The following PEX7 variants were observed in gnomAD, a reference collection of about 807,000 sequenced individuals.
The protein encoded by PEX7 is peroxisomal biogenesis factor 7, also known as PTS2 receptor.
PEX7 carries 34 observed loss-of-function variants against 47.5 expected under a neutral mutation model. The ratio of observed to expected loss-of-function variants is 0.72; its 90% confidence interval spans 0.54 to 0.95. The LOEUF is 0.95. Ranked by LOEUF, PEX7 falls within the 40% of genes least tolerant of loss-of-function variation. PEX7 has a pLI of 0.00. For missense variants in PEX7, 394 were observed against 400.3 expected (o/e 0.98, Z 0.13); for synonymous variants, 141 against 148.8 (o/e 0.95, Z 0.38).
At chr6:136,903,700 A>G (rs1005667066) in intron 9 of PEX7, among the ~76,000 whole-genome samples, 2 of 152,144 alleles carry the variant, frequency 1.3e-5, no homozygotes, top group African/African-American at 4.8e-5. Flanking sequence ...TCACTGTGTC[A>G]CACAGGCTGG....
intron 7 of PEX7, 114 bp from the exon 8 acceptor site, chr6:136,872,084 A>G: frequency 1.1e-6 from 1 of 904,636 alleles, no homozygotes. Context: ...ATTTTAAGTG[A>G]CAGCTCTGAC....
chr6:136,859,427 T>G (rs140239467), intron 5 of PEX7, among the ~76,000 whole-genome samples: 102 of 152,164 alleles, frequency 6.7e-4, no homozygotes, highest in African/African-American at 2.3e-3. Context: ...AAAACTAAAT[T>G]ATTGCTGTCA....
At chr6:136,831,681 A>G (rs1248840115) in intron 3 of PEX7, among the ~76,000 whole-genome samples, 2 of 152,280 alleles carry the variant, frequency 1.3e-5, no homozygotes, top group African/African-American at 4.8e-5. Context: ...GGCATTAGCT[A>G]AATGTTTCAA....
At chr6:136,869,535 A>G (rs1248641871) in intron 6 of PEX7, among the ~76,000 whole-genome samples, 1 of 152,130 alleles carries the variant, frequency 6.6e-6, no homozygotes, top group Non-Finnish European at 1.5e-5. Flanking sequence ...TTTGAAGAGA[A>G]AGCTGGGCTC....
intron 2 of PEX7, among the ~76,000 whole-genome samples, chr6:136,825,955 A>G (rs1347950673): frequency 1.3e-5 from 2 of 152,186 alleles, no homozygotes; most frequent in African/African-American, 4.8e-5. Flanking sequence ...TCCAGCCTGG[A>G]TGACAGAACA....
chr6:136,839,572 A>G (rs894986486), intron 3 of PEX7, among the ~76,000 whole-genome samples: 1 of 152,124 alleles, frequency 6.6e-6, no homozygotes, highest in African/African-American at 2.4e-5. Context: ...CCTCTAGAGG[A>G]CCCTGCTCTT....
At chr6:136,893,346 G>T (rs1379195710) in intron 8 of PEX7, among the ~76,000 whole-genome samples, 1 of 152,136 alleles carries the variant, frequency 6.6e-6, no homozygotes, top group East Asian at 1.9e-4. Flanking sequence ...GCTCCTTGCA[G>T]ACAAGCAATA....
chr6:136,874,063 A>T (rs1480055620), intron 8 of PEX7, among the ~76,000 whole-genome samples: 1 of 152,238 alleles, frequency 6.6e-6, no homozygotes, highest in Non-Finnish European at 1.5e-5. Context: ...CAAAGGTGAT[A>T]TTAGTTGCAG....
rs562317121 is a variant in PEX7, at chr6:136,887,604, G to A, written c.804-10538G>A. On this transcript the variant is annotated intron_variant, in intron 8 of 9. Transcript: ENST00000318471. The stretch of plus-strand genomic sequence containing the variant: ...TCAGCAAAAATATTCCTTCATATGC[G>A]TATGTGTAGAGAGAGAAAGATAAAA... 3.7e-4 allele frequency among the ~76,000 whole-genome samples: 56 copies of A among 151,302 alleles called. No homozygotes were observed. In the South Asian group the frequency reaches 4.4e-3, roughly 12 times the overall value.
At position 136,913,535 on chromosome 6, in the gene PEX7, A is replaced by G. The variant is rs1421427962; in HGVS notation, c.*9A>G. 1.9e-6 allele frequency: 3 copies of G among 1,586,094 alleles called. No individual in the cohort carries two copies. The highest frequency in any genetic ancestry group is 2.7e-5 in the African/African-American group (2 of 74,298). On this transcript the variant is annotated 3_prime_UTR_variant, in exon 10 of 10. Coordinates refer to ENST00000318471, the MANE Select transcript of PEX7 (RefSeq NM_000288.4). ...TTACTATTCCTGCTTGAGATACACT[A>G]CTTTGGTCAGAAACAGAGGATGTTG... is the stretch of plus-strand genomic sequence containing the variant.
chr6:136,881,975 A>G (rs2115247392), intron 8 of PEX7, among the ~76,000 whole-genome samples: 1 of 152,300 alleles, frequency 6.6e-6, no homozygotes, highest in East Asian at 1.9e-4. Flanking sequence ...CTTTAACGTA[A>G]GTTAAACAGA....
At chr6:136,883,924 A>G (rs956501431) in intron 8 of PEX7, among the ~76,000 whole-genome samples, 2 of 152,018 alleles carry the variant, frequency 1.3e-5, no homozygotes, top group African/African-American at 4.8e-5. Context: ...AAGCAACATC[A>G]TTTTTTTTAG....
At chr6:136,903,091 G>T (rs1310392752) in intron 9 of PEX7, among the ~76,000 whole-genome samples, 5 of 151,960 alleles carry the variant, frequency 3.3e-5, no homozygotes, top group African/African-American at 1.2e-4. Context: ...ATGTTTCTTA[G>T]ATTTAATTGA....
chr6:136,897,981 T>C (rs528830034), intron 8 of PEX7, among the ~76,000 whole-genome samples, 161 bp from the exon 9 acceptor site: 19 of 152,144 alleles, frequency 1.2e-4, no homozygotes, highest in African/African-American at 4.1e-4. Context: ...TTTTTTCTTA[T>C]TGGATTTTTT....
chr6:136,831,349 G>A (rs969801569), intron 3 of PEX7, among the ~76,000 whole-genome samples: 7 of 152,130 alleles, frequency 4.6e-5, no homozygotes, highest in African/African-American at 1.7e-4. Context: ...AACAGCATGG[G>A]GGAAACTGCC....
At position 136,887,750 on chromosome 6, in the gene PEX7, C is replaced by CA. The variant is rs1338931207; in HGVS notation, c.804-10389dup. Reference sequence around the variant, plus strand: ...AAAATAAAAACATTTGAGAAAAAAGCAAACTGTATTTACTCATGCAAAATA... The same window carrying CA: ...AAAATAAAAACATTTGAGAAAAAAGCAAAACTGTATTTACTCATGCAAAATA... On this transcript the variant is annotated intron_variant, in intron 8 of 9. Transcript: ENST00000318471. Among the ~76,000 whole-genome samples, 18 of 152,190 alleles carry CA rather than the reference C, an allele frequency of 1.2e-4. No individual in the cohort carries two copies. In the South Asian group the frequency reaches 1.2e-3, roughly 11 times the overall value.
chr6:136,893,780 A>AT (rs1464887843), intron 8 of PEX7, among the ~76,000 whole-genome samples: 1 of 152,272 alleles, frequency 6.6e-6, no homozygotes, highest in Non-Finnish European at 1.5e-5. Flanking sequence ...CATGTAAGAC[A>AT]TTGAAAAATA....
intron 9 of PEX7, among the ~76,000 whole-genome samples, chr6:136,909,369 A>G (rs541845496): frequency 6.6e-6 from 1 of 152,256 alleles, no homozygotes; most frequent in South Asian, 2.1e-4. Flanking sequence ...GCTTTTACCC[A>G]CATCTCTGAC....
At chr6:136,839,074 G>A (rs924794585) in intron 3 of PEX7, among the ~76,000 whole-genome samples, 2 of 152,072 alleles carry the variant, frequency 1.3e-5, no homozygotes, top group Non-Finnish European at 1.5e-5. Flanking sequence ...CCAGCTACCC[G>A]GGAGGTTGAG....
Sources: allele counts gnomAD v4.1 joint callset (sites outside exome capture counted in the v4.1 genomes callset), GRCh38; gene constraint gnomAD v4.1.1; transcripts MANE v1.5; gene names NCBI Gene and HGNC (gene_info 2026-07-23, HGNC 2026-07-21).